NAV3: variants seen among roughly 807,000 people sequenced by gnomAD.
NAV3 encodes the protein pore membrane and/or filament interacting like protein 1.
NAV3 carries 87 observed loss-of-function variants against 244.7 expected under a neutral mutation model. The ratio of observed to expected loss-of-function variants is 0.36; its 90% CI spans 0.30 to 0.42. The LOEUF is 0.42. Ranked by LOEUF, NAV3 falls within the 20% of genes least tolerant of loss-of-function variation. The pLI is 1.00. For missense variants in NAV3, 2,663 were observed against 2,893.3 expected (o/e 0.92, Z 1.83); for synonymous variants, 1,126 against 1,042.2 (o/e 1.08, Z -1.55).
intron 22 of NAV3, among the ~76,000 whole-genome samples, chr12:78,157,507 A>C (rs371263775): frequency 2.4e-4 from 37 of 152,062 alleles, no homozygotes; most frequent in African/African-American, 8.4e-4. Context: ...CCTGCAGTGA[A>C]CTAGGGTTGT....
At chr12:77,629,904 T>C (rs1871810139) in intron 2 of NAV3, among the ~76,000 whole-genome samples, 1 of 152,144 alleles carries the variant, frequency 6.6e-6, no homozygotes, top group Non-Finnish European at 1.5e-5. Flanking sequence ...CTTGATAGGG[T>C]ACTGCAAACA....
At chr12:77,688,818 G>A (rs777508644) in intron 2 of NAV3, among the ~76,000 whole-genome samples, 6 of 151,844 alleles carry the variant, frequency 4.0e-5, no homozygotes, top group Non-Finnish European at 5.9e-5. Context: ...ACAGGTGTAG[G>A]GAAAAGGAAG....
intron 1 of NAV3, among the ~76,000 whole-genome samples, chr12:77,860,568 G>A (rs527369664): frequency 6.6e-6 from 1 of 151,806 alleles, no homozygotes; most frequent in East Asian, 1.9e-4. Flanking sequence ...CTCTAAAGTA[G>A]TGCTACACCA....
At chr12:77,912,802 G>C (rs956336820) in intron 1 of NAV3, among the ~76,000 whole-genome samples, 3 of 149,610 alleles carry the variant, frequency 2.0e-5, no homozygotes, top group African/African-American at 7.3e-5. Context: ...ACTAGAGATG[G>C]GGTTTCACCA....
chr12:77,721,007 T>C (rs1205382299), intron 2 of NAV3, among the ~76,000 whole-genome samples: 3 of 152,180 alleles, frequency 2.0e-5, no homozygotes, highest in African/African-American at 7.2e-5. Context: ...TGCTCTAGAA[T>C]GGTTTGTGTT....
intron 12 of NAV3, among the ~76,000 whole-genome samples, chr12:78,080,089 A>C (rs1391478176): frequency 6.6e-6 from 1 of 152,190 alleles, no homozygotes; most frequent in Non-Finnish European, 1.5e-5. Context: ...CTTAAATTAT[A>C]GCCATCTAGA....
intron 7 of NAV3, 93 bp from the exon 8 acceptor site, chr12:78,006,326 C>G: frequency 1.7e-6 from 2 of 1,149,562 alleles, no homozygotes; most frequent in African/African-American, 3.1e-5. Context: ...AGAGAGACTT[C>G]TATCCATCAA....
intron 12 of NAV3, among the ~76,000 whole-genome samples, chr12:78,110,787 C>T (rs1050742783): frequency 6.6e-6 from 1 of 151,798 alleles, no homozygotes; most frequent in Non-Finnish European, 1.5e-5. Flanking sequence ...TTCCATTATA[C>T]ATATTCCATT....
intron 12 of NAV3, among the ~76,000 whole-genome samples, chr12:78,096,326 G>T (rs796679088): frequency 1.3e-4 from 20 of 152,126 alleles, no homozygotes; most frequent in African/African-American, 4.3e-4. Context: ...ATTCTGGCAG[G>T]CCCCTCTGTT....
At chr12:77,791,189 A>G (rs1322043313) in intron 2 of NAV3, among the ~76,000 whole-genome samples, 1 of 152,014 alleles carries the variant, frequency 6.6e-6, no homozygotes, top group Non-Finnish European at 1.5e-5. Context: ...CCCCGTCTCT[A>G]CTAAAAATAC....
intron 1 of NAV3, among the ~76,000 whole-genome samples, chr12:77,860,152 G>A (rs982856410): frequency 6.6e-6 from 1 of 151,772 alleles, no homozygotes; most frequent in Non-Finnish European, 1.5e-5. Context: ...TTGTATGTAT[G>A]TGTGCACATA....
intron 2 of NAV3, among the ~76,000 whole-genome samples, chr12:77,718,492 T>G (rs1876464689): frequency 6.6e-6 from 1 of 152,136 alleles, no homozygotes; most frequent in Non-Finnish European, 1.5e-5. Context: ...GTAATATGTT[T>G]GGAGGTTAGG....
chr12:77,755,611 C>CCTTCCTTCCTTCCTTCCT (rs1565800434), intron 2 of NAV3, among the ~76,000 whole-genome samples: 2 of 38,210 alleles, frequency 5.2e-5, no homozygotes, highest in Non-Finnish European at 4.9e-5. Context: ...CCCTCCCTCC[C>CCTTCCTTCCTTCCTTCCT]TCCTTCCTTC....
At chr12:78,163,432 T>C (rs907535554) in intron 23 of NAV3, among the ~76,000 whole-genome samples, 2 of 151,966 alleles carry the variant, frequency 1.3e-5, no homozygotes, top group African/African-American at 2.4e-5. Context: ...TTAGACTCAG[T>C]ACAATGTCAT....
intron 1 of NAV3, among the ~76,000 whole-genome samples, chr12:77,873,558 C>T (rs1881318205): frequency 6.7e-6 from 1 of 149,768 alleles, no homozygotes; most frequent in Non-Finnish European, 1.5e-5. Flanking sequence ...ACTTTTTTTG[C>T]AGTTTTTATA....
intron 3 of NAV3, among the ~76,000 whole-genome samples, chr12:77,963,034 G>A (rs911124608): frequency 6.6e-6 from 1 of 151,916 alleles, no homozygotes; most frequent in Non-Finnish European, 1.5e-5. Flanking sequence ...TTTGATATCC[G>A]ATTCAAATAA....
Position 78,006,816 on chromosome 12 carries a change from T to A in NAV3, c.1278T>A (p.Phe426Leu). ...CTGAATCTGGTGAAATGGAAGGTTT[T>A]AACAGTGGTCTGAATAGTGGTGGCT... Reference protein sequence around the residue: ...AFSESGEMEGFNSGLNSGGST... With the variant: ...AFSESGEMEGLNSGLNSGGST... The change falls in exon 8 of 40, where the codon TTT becomes TTA. Residue 426 changes from phenylalanine to leucine, a missense_variant. Around this residue, in one of 6 missense-constraint regions of NAV3, gnomAD observed 1,521 missense variants for 1,497.0 expected, o/e 1.02. Transcript: ENST00000397909. 1 of 1,614,180 alleles carries A rather than the reference T, an allele frequency of 6.2e-7. No individual in the cohort carries two copies. Among genetic ancestry groups the A allele is most frequent in the Non-Finnish European group, 8.5e-7 (1 of 1,180,046 alleles).
At chr12:77,699,867 C>G (rs916241319) in intron 2 of NAV3, among the ~76,000 whole-genome samples, 3 of 151,502 alleles carry the variant, frequency 2.0e-5, no homozygotes, top group African/African-American at 7.3e-5. Flanking sequence ...GGAGTCTACC[C>G]AAATTCAGGG....
intron 2 of NAV3, among the ~76,000 whole-genome samples, chr12:77,685,578 A>G (rs1290929274): frequency 6.6e-6 from 1 of 151,744 alleles, no homozygotes; most frequent in Non-Finnish European, 1.5e-5. Context: ...TTTATCTTTC[A>G]TATCTAATTA....
Sources: gnomAD v4.1 joint callset for allele counts (sites outside exome capture counted in the v4.1 genomes callset) on GRCh38, gnomAD v4.1.1 for gene constraint, gnomAD v4.1.1 regional missense constraint, MANE v1.5 for transcripts, NCBI Gene and HGNC (gene_info 2026-07-23, HGNC 2026-07-21) for gene names.